Variants in PSMA3 observed in about 807,000 individuals in gnomAD.
PSMA3 encodes the protein proteasome 20S subunit alpha 3, also known as proteasome subunit alpha type-3.
Under a neutral mutation model 40.0 loss-of-function variants are expected in PSMA3, and 8 were observed. The observed-to-expected ratio is 0.20, with a 90% CI of 0.12 to 0.36. The LOEUF (loss-of-function observed/expected upper bound fraction) is 0.36, where lower values mean the gene tolerates loss of function less well. Ranked by LOEUF, PSMA3 falls within the 10% of genes least tolerant of loss-of-function variation. The pLI is 1.00. For synonymous variants in PSMA3, 110 were observed against 100.0 expected, an observed-to-expected ratio of 1.10 and a Z score of -0.59; for missense variants, 219 against 310.6, an observed-to-expected ratio of 0.70 and a Z score of 2.22.
chr14:58,263,626 G>C (rs978992486), intron 6 of PSMA3, 79 bp from the exon 7 acceptor site: 3 of 1,157,158 alleles, frequency 2.6e-6, no homozygotes, highest in Non-Finnish European at 3.8e-6. Flanking sequence ...CTTTCACTAG[G>C]TTATAGAAAC....
At position 58,257,787 on chromosome 14, in the gene PSMA3, A is replaced by G; in HGVS notation, c.271A>G (p.Ile91Val). The G allele has an allele frequency of 1.2e-6, 2 of 1,613,594 alleles. No homozygotes were observed. The highest frequency in any genetic ancestry group is 1.7e-6 in the Non-Finnish European group (2 of 1,179,572). Reference protein sequence around the residue: ...LLADARSLADIAREEASNFRS... With the variant: ...LLADARSLADVAREEASNFRS... ...GGCAGATGCTCGTTCTTTAGCAGAC[A>G]TAGCAAGAGAAGAAGCTTCCAACTT... Residue 91 changes from isoleucine (I) to valine (V), a missense_variant, in exon 4 of 11, where the codon ATA becomes GTA. Transcript: ENST00000216455.
At chr14:58,262,300 C>G (rs1890304209) in intron 6 of PSMA3, among the ~76,000 whole-genome samples, 1 of 152,062 alleles carries the variant, frequency 6.6e-6, no homozygotes, top group African/African-American at 2.4e-5. Context: ...CTCCACCTCC[C>G]CAGTTCAAGC....
At chr14:58,261,122 T>G (rs1413797027) in intron 6 of PSMA3, 102 bp downstream of exon 6, 1 of 800,676 alleles carries the variant, frequency 1.2e-6, no homozygotes, top group Non-Finnish European at 1.9e-6. Context: ...AAAAAACTCA[T>G]TCAAGGAAAG....
intron 9 of PSMA3, 150 bp downstream of exon 9, chr14:58,270,635 G>C: frequency 1.4e-6 from 2 of 1,395,382 alleles, no homozygotes; most frequent in Non-Finnish European, 1.9e-6. Flanking sequence ...ATTGACTTAA[G>C]TTGTGAACAC....
At chr14:58,258,222 G>A (rs910152974) in intron 5 of PSMA3, 14 of 454,234 alleles carry the variant, frequency 3.1e-5, no homozygotes, top group African/African-American at 1.5e-4. Context: ...AGGATCCCTC[G>A]CGCCCAGGAG....
intron 7 of PSMA3, 105 bp downstream of exon 7, chr14:58,263,875 T>A: frequency 3.0e-6 from 3 of 985,990 alleles, no homozygotes; most frequent in Non-Finnish European, 4.8e-6. Context: ...ATCATTTGGC[T>A]TCCCTGGGCC....
chr14:58,268,431 C>A (rs1229640796), intron 8 of PSMA3, among the ~76,000 whole-genome samples: 1 of 152,030 alleles, frequency 6.6e-6, no homozygotes, highest in Admixed American at 6.6e-5. Context: ...ACATCACACT[C>A]AGAGTCTCTT....
At chr14:58,258,206 G>A (rs1159258632) in intron 5 of PSMA3, 1 of 484,842 alleles carries the variant, frequency 2.1e-6, no homozygotes, top group Non-Finnish European at 3.7e-6. Context: ...GGGAGGTTGA[G>A]GTGGGAGGAT....
intron 8 of PSMA3, chr14:58,269,836 CT>C (rs1890562560): frequency 1.3e-5 from 2 of 151,738 alleles, no homozygotes; most frequent in South Asian, 4.2e-4. Flanking sequence ...TATGAGGTAT[CT>C]TTTATAGTTG....
At chr14:58,252,908 T>C (rs993188037) in intron 3 of PSMA3, among the ~76,000 whole-genome samples, 7 of 151,858 alleles carry the variant, frequency 4.6e-5, no homozygotes, top group Non-Finnish European at 1.0e-4. Context: ...TTAGGTTTTA[T>C]GCTGGGAGCT....
chr14:58,267,656 C>A, intron 8 of PSMA3, 136 bp downstream of exon 8: 1 of 1,257,228 alleles, frequency 8.0e-7, no homozygotes. Flanking sequence ...ATTTAACATT[C>A]TAAGAAGCCT....
chr14:58,250,212 T>TC (rs1889976281), intron 2 of PSMA3, among the ~76,000 whole-genome samples: 1 of 50,036 alleles, frequency 2.0e-5, no homozygotes, highest in African/African-American at 8.9e-5. Context: ...AGAGCGAGAC[T>TC]CCATCTCCAA....
intron 6 of PSMA3, among the ~76,000 whole-genome samples, chr14:58,261,822 C>T (rs1012852899): frequency 6.6e-6 from 1 of 152,076 alleles, no homozygotes; most frequent in Non-Finnish European, 1.5e-5. Flanking sequence ...TTCCACGTTC[C>T]CAGGGCTGGT....
intron 1 of PSMA3, among the ~76,000 whole-genome samples, chr14:58,247,057 C>A (rs999843798): frequency 6.6e-6 from 1 of 152,180 alleles, no homozygotes; most frequent in African/African-American, 2.4e-5. Flanking sequence ...CTTGACTGTG[C>A]TAGCCTTATT....
intron 8 of PSMA3, 113 bp downstream of exon 8, chr14:58,267,633 TTTTAGAAGGTAAATTTAAC>T (rs1890484867): frequency 1.5e-6 from 2 of 1,294,350 alleles, no homozygotes; most frequent in Non-Finnish European, 2.0e-6. Flanking sequence ...AGTGTATAAT[TTTTAGAAGGTAAATTTAAC>T]ATTCTAAGAA....
chr14:58,262,985 CTTTTTTTT>C (rs5808966), intron 6 of PSMA3, among the ~76,000 whole-genome samples: 1 of 131,698 alleles, frequency 7.6e-6, no homozygotes, highest in Non-Finnish European at 1.6e-5. Context: ...TGTGTACATC[CTTTTTTTT>C]TTTTTTTTTG....
intron 3 of PSMA3, among the ~76,000 whole-genome samples, chr14:58,253,740 T>TA (rs1174006640): frequency 6.6e-6 from 1 of 151,976 alleles, no homozygotes; most frequent in Non-Finnish European, 1.5e-5. Flanking sequence ...ATTACAGACA[T>TA]ACGCCGCCAC....
intron 6 of PSMA3, among the ~76,000 whole-genome samples, chr14:58,261,971 G>A (rs1160440785): frequency 6.6e-6 from 1 of 152,116 alleles, no homozygotes; most frequent in African/African-American, 2.4e-5. Context: ...CTGTCTCCCA[G>A]GCTGGAGTGC....
At chr14:58,260,676 T>A (rs1027383670) in intron 5 of PSMA3, among the ~76,000 whole-genome samples, 1 of 152,208 alleles carries the variant, frequency 6.6e-6, no homozygotes, top group African/African-American at 2.4e-5. Context: ...GTGGTTTTCA[T>A]CTATCGTTAC....
Sources: gnomAD v4.1 joint callset for allele counts (sites outside exome capture counted in the v4.1 genomes callset) on GRCh38, gnomAD v4.1.1 for gene constraint, MANE v1.5 for transcripts, NCBI Gene and HGNC (gene_info 2026-07-23, HGNC 2026-07-21) for gene names.